Variants in SNX29 observed in about 807,000 individuals in gnomAD.
SNX29 encodes sorting nexin 29, also known as sorting nexin-29.
Under a neutral mutation model 102.1 loss-of-function variants are expected in SNX29, and 78 were observed. The observed-to-expected ratio is 0.76, with a 90% CI of 0.64 to 0.92. SNX29 has a LOEUF of 0.92. Ranked by LOEUF, SNX29 falls within the 40% of genes least tolerant of loss-of-function variation. The pLI is 0.00. For missense variants in SNX29, 1,280 were observed against 1,061.7 expected, an observed-to-expected ratio of 1.21 and a Z score of -2.86; for synonymous variants, 580 against 414.5, an observed-to-expected ratio of 1.40 and a Z score of -4.85.
At chr16:12,187,410 C>T (rs57418937) in intron 13 of SNX29, among the ~76,000 whole-genome samples, 2,968 of 152,082 alleles carry the variant, frequency 0.02, 96 homozygotes, top group African/African-American at 0.067. Flanking sequence ...CAAAATTAGC[C>T]GGGTGTGCAC....
intron 11 of SNX29, among the ~76,000 whole-genome samples, chr16:12,120,765 A>C (rs1252864830): frequency 6.6e-6 from 1 of 152,068 alleles, no homozygotes; most frequent in African/African-American, 2.4e-5. Context: ...CCGAGAAAGG[A>C]GGGGAACGGT....
intron 20 of SNX29, among the ~76,000 whole-genome samples, chr16:12,554,762 G>GGT (rs141230077): frequency 0.015 from 2,328 of 152,204 alleles, 55 homozygotes; most frequent in African/African-American, 0.053. Context: ...ATTAGAACGT[G>GGT]CTCTCTCCCC....
In SNX29 at chr16:12,308,712, G is replaced by A. The variant is rs115305527; in HGVS notation, c.1782+30676G>A. ...TTCTACTGCTATTTACACATAAATGGTATTTCTAGATGGGTACAAATTAAA... is the reference window on the plus strand; with the variant it reads ...TTCTACTGCTATTTACACATAAATGATATTTCTAGATGGGTACAAATTAAA... On this transcript the variant is annotated intron_variant, in intron 15 of 20. Transcript: ENST00000566228. Among the ~76,000 whole-genome samples, 362 of 152,256 alleles carry A rather than the reference G, an allele frequency of 2.4e-3. 1 individual carries two copies. The highest frequency in any genetic ancestry group is 8.3e-3 in the African/African-American group (345 of 41,532).
chr16:12,285,938 C>T (rs970041090), intron 15 of SNX29, among the ~76,000 whole-genome samples: 1 of 152,146 alleles, frequency 6.6e-6, no homozygotes, highest in Admixed American at 6.5e-5. Flanking sequence ...TCACTACAAC[C>T]TCCGCCTCCT....
At chr16:12,413,887 CTT>C (rs1337348387) in intron 18 of SNX29, among the ~76,000 whole-genome samples, 92 of 151,642 alleles carry the variant, frequency 6.1e-4, no homozygotes, top group African/African-American at 2.2e-3. Flanking sequence ...TCATCCCTTG[CTT>C]GTCTGGGGGG....
intron 15 of SNX29, among the ~76,000 whole-genome samples, chr16:12,304,201 C>CAGAA (rs2080269067): frequency 6.7e-6 from 1 of 148,984 alleles, no homozygotes; most frequent in South Asian, 2.1e-4. Flanking sequence ...TTTGCCTTGA[C>CAGAA]TTCTAAGAAG....
intron 14 of SNX29, among the ~76,000 whole-genome samples, chr16:12,222,802 C>T (rs954052447): frequency 6.6e-6 from 1 of 152,192 alleles, no homozygotes; most frequent in Non-Finnish European, 1.5e-5. Flanking sequence ...CTCCCGACCT[C>T]AGGTGATCCG....
intron 13 of SNX29, among the ~76,000 whole-genome samples, chr16:12,141,732 A>G (rs1262720982): frequency 1.3e-5 from 2 of 152,222 alleles, no homozygotes; most frequent in Non-Finnish European, 2.9e-5. Flanking sequence ...CATTCTAATT[A>G]GCACATAATG....
chr16:12,051,727 T>C (rs1345330707), intron 7 of SNX29, 120 bp from the exon 8 acceptor site: 2 of 1,374,104 alleles, frequency 1.5e-6, no homozygotes, highest in East Asian at 2.4e-5. Flanking sequence ...TCTGAATTCA[T>C]GTTACAGTGT....
chr16:12,098,474 C>A lies in SNX29; in HGVS notation c.1402+19559C>A, dbSNP rs1195593201. On this transcript the variant is annotated intron_variant, in intron 11 of 20. Transcript: ENST00000566228. This position sits in a 1 kb window ranked among gnomAD's most constrained non-coding sequence, Gnocchi z 6.0. The stretch of plus-strand genomic sequence containing the variant: ...CCACTTGCAGTGGCCACCGCGTGCC[C>A]TTTGATGGGACGTTACATTGCATTT... Among the ~76,000 whole-genome samples the A allele has an allele frequency of 1.3e-5, 2 of 152,186 alleles. No individual in the cohort carries two copies. The highest frequency in any genetic ancestry group is 4.8e-5 in the African/African-American group (2 of 41,438).
intron 14 of SNX29, among the ~76,000 whole-genome samples, chr16:12,243,805 C>G (rs1363048434): frequency 6.6e-6 from 1 of 152,192 alleles, no homozygotes; most frequent in Non-Finnish European, 1.5e-5. Context: ...ACAGAAGCAC[C>G]TCCTGGTGCA....
intron 13 of SNX29, among the ~76,000 whole-genome samples, chr16:12,180,394 C>G (rs1256690516): frequency 6.6e-6 from 1 of 152,120 alleles, no homozygotes; most frequent in Non-Finnish European, 1.5e-5. Context: ...ATTTCTGGCG[C>G]ATCTTTATCT....
chr16:12,283,888 C>T (rs2079511582), intron 15 of SNX29, among the ~76,000 whole-genome samples: 1 of 152,192 alleles, frequency 6.6e-6, no homozygotes, highest in Non-Finnish European at 1.5e-5. Flanking sequence ...TTAGATAATT[C>T]CTCCCCACTT....
intron 4 of SNX29, chr16:12,038,811 G>A (rs889947896): frequency 2.6e-5 from 4 of 152,246 alleles, no homozygotes; most frequent in African/African-American, 9.6e-5. Flanking sequence ...GACTGGAAAT[G>A]TGATGGACGT....
chr16:12,281,733 T>G (rs2079436230), intron 15 of SNX29, among the ~76,000 whole-genome samples: 1 of 152,124 alleles, frequency 6.6e-6, no homozygotes, highest in Admixed American at 6.5e-5. Flanking sequence ...CAGACAAAGC[T>G]TTGGGAAGTT....
At chr16:12,021,574 G>C (rs2057021740) in intron 3 of SNX29, among the ~76,000 whole-genome samples, 1 of 152,152 alleles carries the variant, frequency 6.6e-6, no homozygotes, top group Admixed American at 6.6e-5. Context: ...ATAGATTCGT[G>C]TGCAGATTAA....
intron 19 of SNX29, among the ~76,000 whole-genome samples, chr16:12,515,193 G>T (rs945082348): frequency 6.6e-6 from 1 of 152,164 alleles, no homozygotes; most frequent in African/African-American, 2.4e-5. Context: ...GGAAGACCTT[G>T]TGTAGCCCTT....
intron 15 of SNX29, among the ~76,000 whole-genome samples, chr16:12,348,928 T>A (rs1320399815): frequency 6.6e-6 from 1 of 151,968 alleles, no homozygotes; most frequent in Non-Finnish European, 1.5e-5. Context: ...GCCCCCTGAG[T>A]CTGCCCACCC....
chr16:12,078,673 C>T (rs935361205), intron 10 of SNX29, among the ~76,000 whole-genome samples, 160 bp from the exon 11 acceptor site: 14 of 152,182 alleles, frequency 9.2e-5, no homozygotes, highest in Non-Finnish European at 1.8e-4. Flanking sequence ...TTTCCAAATA[C>T]GGAATCTGCA....
Sources: allele counts gnomAD v4.1 joint callset (sites outside exome capture counted in the v4.1 genomes callset), GRCh38; gene constraint gnomAD v4.1.1; non-coding constraint Gnocchi (gnomAD v3.1); transcripts MANE v1.5; gene names NCBI Gene and HGNC (gene_info 2026-07-23, HGNC 2026-07-21).